Variants in SLC39A8 observed in about 807,000 individuals in gnomAD.
SLC39A8 encodes the protein metal cation symporter ZIP8.
A neutral mutation model predicts 40.4 loss-of-function variants in SLC39A8; 15 were observed. The ratio of observed to expected loss-of-function variants is 0.37; its 90% CI spans 0.25 to 0.57. SLC39A8 has a LOEUF of 0.57. Among genes scored for constraint, SLC39A8 ranks in the 20% least tolerant of loss-of-function variants. The probability of loss-of-function intolerance (pLI) is 0.75; values close to 1 mark genes in which losing one functional copy is unlikely to be tolerated. For missense variants in SLC39A8, 472 were observed against 558.8 expected (o/e 0.84, Z 1.57); for synonymous variants, 223 against 221.6 (o/e 1.01, Z -0.06).
intron 3 of SLC39A8, among the ~76,000 whole-genome samples, chr4:102,309,170 T>C (rs560757272): frequency 2.0e-5 from 3 of 152,160 alleles, no homozygotes; most frequent in African/African-American, 4.8e-5. Context: ...ACTTAGTAAA[T>C]GTTCATTCAG....
chr4:102,327,538 C>T (rs1735267612), intron 2 of SLC39A8, among the ~76,000 whole-genome samples: 1 of 152,218 alleles, frequency 6.6e-6, no homozygotes, highest in Admixed American at 6.5e-5. Flanking sequence ...CCTAATATTG[C>T]TATACCCATC....
At chr4:102,338,072 C>T (rs965548397) in intron 2 of SLC39A8, among the ~76,000 whole-genome samples, 18 of 151,974 alleles carry the variant, frequency 1.2e-4, no homozygotes, top group African/African-American at 4.4e-4. Flanking sequence ...CAGATGTTTT[C>T]TAGTATCCAT....
At chr4:102,324,484 T>C (rs142065728) in intron 2 of SLC39A8, among the ~76,000 whole-genome samples, 258 of 150,458 alleles carry the variant, frequency 1.7e-3, no homozygotes, top group African/African-American at 5.8e-3. Context: ...TTTCTGCACT[T>C]CATTTCTTTT....
chr4:102,339,641 T>C (rs1735824180), intron 2 of SLC39A8, among the ~76,000 whole-genome samples: 1 of 152,190 alleles, frequency 6.6e-6, no homozygotes, highest in Non-Finnish European at 1.5e-5. Context: ...AATATTGAAA[T>C]AGAAAAGGCT....
intron 8 of SLC39A8, among the ~76,000 whole-genome samples, chr4:102,267,287 A>T (rs1302597463): frequency 6.6e-6 from 1 of 152,236 alleles, no homozygotes; most frequent in African/African-American, 2.4e-5. Context: ...TATGTTTTAA[A>T]GAACCAGTGA....
At chr4:102,272,108 G>C (rs1041565564) in intron 6 of SLC39A8, among the ~76,000 whole-genome samples, 29 of 152,016 alleles carry the variant, frequency 1.9e-4, no homozygotes, top group Non-Finnish European at 3.5e-4. Flanking sequence ...GGATGCCAAG[G>C]GGGAGGACTG....
Position 102,262,813 on chromosome 4 carries a change from C to T in SLC39A8, c.*231G>A. 7.9e-7 allele frequency: 1 copy of T among 1,266,762 alleles called. No individual in the cohort carries two copies. Among genetic ancestry groups the T allele is most frequent in the Non-Finnish European group, 9.9e-7 (1 of 1,005,360 alleles). 78.5% of individuals were successfully genotyped at this position (1,266,762 alleles called of 1,614,324 possible). On this transcript the variant is annotated 3_prime_UTR_variant, in exon 9 of 9. Coordinates refer to ENST00000356736, the MANE Select transcript of SLC39A8 (RefSeq NM_001135146.2). ...GGAATACTGAAAAATAGGTATTTCC[C>T]AAAGGCTCCTATATACCAGGCATCT...
chr4:102,341,578 G>A (rs1191295017), intron 2 of SLC39A8, among the ~76,000 whole-genome samples: 1 of 152,044 alleles, frequency 6.6e-6, no homozygotes, highest in Non-Finnish European at 1.5e-5. Context: ...TGGCTAAAAG[G>A]GCTCCCTCTT....
At chr4:102,337,859 T>C (rs747759877) in intron 2 of SLC39A8, among the ~76,000 whole-genome samples, 2 of 152,210 alleles carry the variant, frequency 1.3e-5, no homozygotes, top group Non-Finnish European at 2.9e-5. Flanking sequence ...AAATTCATTA[T>C]ATATGAAACA....
At chr4:102,270,725 G>C (rs1173660845) in intron 6 of SLC39A8, among the ~76,000 whole-genome samples, 2 of 152,080 alleles carry the variant, frequency 1.3e-5, no homozygotes, top group African/African-American at 4.8e-5. Flanking sequence ...TCTTCAGCAA[G>C]ACTTGTAACA....
At chr4:102,260,841 T>A (rs1318826162), downstream of SLC39A8, among the ~76,000 whole-genome samples, 1 of 152,218 alleles carries the variant, frequency 6.6e-6, no homozygotes, top group East Asian at 1.9e-4. Context: ...GATTACAGCA[T>A]ACCATTTGGG....
At chr4:102,254,061 G>C (rs1731654787) in intron 11 of SLC39A8, among the ~76,000 whole-genome samples, 1 of 152,146 alleles carries the variant, frequency 6.6e-6, no homozygotes, top group African/African-American at 2.4e-5. Context: ...CATGGGAGGA[G>C]AGAAGAGGTC....
intron 6 of SLC39A8, among the ~76,000 whole-genome samples, chr4:102,279,492 C>A (rs567282844): frequency 1.3e-5 from 2 of 152,044 alleles, no homozygotes; most frequent in Admixed American, 6.6e-5. Context: ...AAAATAGCAA[C>A]GATCCCCCAA....
chr4:102,311,011 T>C (rs13103835), intron 3 of SLC39A8, among the ~76,000 whole-genome samples: 52,278 of 151,896 alleles, frequency 0.34, 9,115 homozygotes, highest in African/African-American at 0.37. Flanking sequence ...GGAAATATGG[T>C]TCTATTATGA....
chr4:102,255,296 A>T (rs971156705), intron 11 of SLC39A8, among the ~76,000 whole-genome samples: 4 of 152,232 alleles, frequency 2.6e-5, no homozygotes, highest in African/African-American at 9.6e-5. Context: ...GCCAAAAAGG[A>T]CATACTGAGA....
chr4:102,279,989 A>G (rs1393384846), intron 6 of SLC39A8, among the ~76,000 whole-genome samples: 1 of 152,150 alleles, frequency 6.6e-6, no homozygotes, highest in African/African-American at 2.4e-5. Context: ...CACTCTATCA[A>G]AGGCCCTCAT....
intron 6 of SLC39A8, among the ~76,000 whole-genome samples, chr4:102,278,863 A>G (rs1271052433): frequency 6.6e-6 from 1 of 152,130 alleles, no homozygotes; most frequent in Non-Finnish European, 1.5e-5. Context: ...GCTGGAAACC[A>G]TCATTCTCAT....
At chr4:102,307,237 T>C (rs1392081731) in intron 4 of SLC39A8, among the ~76,000 whole-genome samples, 199 bp downstream of exon 4, 2 of 152,082 alleles carry the variant, frequency 1.3e-5, no homozygotes, top group Non-Finnish European at 2.9e-5. Context: ...CCTAGAATAT[T>C]AATTTTGTCT....
intron 3 of SLC39A8, 111 bp from the exon 4 acceptor site, chr4:102,307,716 T>C (rs1734248521): frequency 9.6e-7 from 1 of 1,045,018 alleles, no homozygotes; most frequent in Non-Finnish European, 1.4e-6. Flanking sequence ...ACACATATCT[T>C]CTTTAAAAGA....
Sources: allele counts gnomAD v4.1 joint callset (sites outside exome capture counted in the v4.1 genomes callset), GRCh38; gene constraint gnomAD v4.1.1; transcripts MANE v1.5; gene names NCBI Gene and HGNC (gene_info 2026-07-23, HGNC 2026-07-21).